The following GASK1A variants were observed in gnomAD, a reference collection of about 807,000 sequenced individuals.
The protein encoded by GASK1A is golgi associated kinase 1A.
Under a neutral mutation model 41.2 loss-of-function variants are expected in GASK1A, and 40 were observed. That is an observed-to-expected ratio of 0.97 (90% CI 0.75 to 1.27). The LOEUF (loss-of-function observed/expected upper bound fraction) is 1.27. Among genes scored for constraint, GASK1A ranks in the 50% most tolerant of loss-of-function variants. The probability of loss-of-function intolerance (pLI) is 0.00; values close to 1 mark genes in which losing one functional copy is unlikely to be tolerated. For synonymous variants in GASK1A, 316 were observed against 307.1 expected (o/e 1.03, Z -0.30); for missense variants, 678 against 745.1 (o/e 0.91, Z 1.05).
chr3:43,055,714 G>A, intron 4 of GASK1A, 179 bp downstream of exon 4: 1 of 589,096 alleles, frequency 1.7e-6, no homozygotes, highest in Non-Finnish European at 3.0e-6. Context: ...GGATACAGTT[G>A]GCAGGGCCTA....
chr3:43,012,242 T>C (rs1448974868), intron 1 of GASK1A, among the ~76,000 whole-genome samples: 5 of 148,004 alleles, frequency 3.4e-5, no homozygotes, highest in Admixed American at 3.3e-4. Context: ...GGAAGGGGCT[T>C]CTGAGGTCAC....
rs1367059429 is a variant in GASK1A, at chr3:43,056,327, GTGC to G, written c.1675_1677del (p.Leu559del). On this transcript the variant is annotated inframe_deletion, in exon 5 of 5. Transcript: ENST00000430121. Reference sequence around the variant, plus strand: ...CCAGACCCTGGAGCAGCGAGGACAGGTGCTGCTGGGACACATCCAAAAGCACAA... The same window carrying G: ...CCAGACCCTGGAGCAGCGAGGACAGGTGCTGGGACACATCCAAAAGCACAA... 6.4e-7 allele frequency: 1 copy of G among 1,551,344 alleles called. No individual in the cohort carries two copies. Among genetic ancestry groups the G allele is most frequent in the Non-Finnish European group, 8.7e-7 (1 of 1,146,994 alleles).
At chr3:43,018,987 CCT>C (rs2089507897) in intron 1 of GASK1A, among the ~76,000 whole-genome samples, 1 of 152,138 alleles carries the variant, frequency 6.6e-6, no homozygotes, top group Non-Finnish European at 1.5e-5. Context: ...GAGCCTTGGG[CCT>C]CTCTGATTCT....
intron 1 of GASK1A, among the ~76,000 whole-genome samples, chr3:43,023,481 T>C (rs1172920116): frequency 2.0e-5 from 3 of 152,174 alleles, no homozygotes; most frequent in African/African-American, 7.2e-5. Context: ...TATGCATATG[T>C]TATAATGCAA....
At position 43,033,304 on chromosome 3, in the gene GASK1A, G is replaced by A; in HGVS notation, c.1041G>A (p.Val347=). 1 of 1,551,316 alleles carries A rather than the reference G, an allele frequency of 6.4e-7. No homozygotes were observed. Among genetic ancestry groups the A allele is most frequent in the Non-Finnish European group, 8.7e-7 (1 of 1,146,882 alleles). Residue 347 remains valine, a synonymous_variant, in exon 2 of 5, where the codon GTG becomes GTA. Coordinates refer to ENST00000430121, the MANE Select transcript of GASK1A (RefSeq NM_001129908.3). ...VLGLRRSLPA[V]ARRFHSPLLP... is the part of the protein sequence containing the mutation. ...GGCTGCGCCGGAGCCTACCTGCTGTGGCCCGCCGCTTCCATAGCCCCCTCC... is the reference window on the plus strand; with the variant it reads ...GGCTGCGCCGGAGCCTACCTGCTGTAGCCCGCCGCTTCCATAGCCCCCTCC...
chr3:43,046,626 C>T (rs1288134726), intron 2 of GASK1A, among the ~76,000 whole-genome samples: 2 of 152,216 alleles, frequency 1.3e-5, no homozygotes, highest in Non-Finnish European at 2.9e-5. Context: ...AAGCTGGCTG[C>T]AGAAATTTGC....
chr3:43,015,936 AAAGCCACAGGAAGGGTCTGTGTG>A (rs568673073), intron 1 of GASK1A, among the ~76,000 whole-genome samples: 4,531 of 140,548 alleles, frequency 0.032, 93 homozygotes, highest in Middle Eastern at 0.085. Context: ...GGGGCAGTGT[AAAGCCACAGGAAGGGTCTGTGTG>A]AAGCCACAGG....
At chr3:43,021,888 A>G (rs1340987190) in intron 1 of GASK1A, among the ~76,000 whole-genome samples, 1 of 152,098 alleles carries the variant, frequency 6.6e-6, no homozygotes, top group East Asian at 1.9e-4. Flanking sequence ...TTCTCTGAGG[A>G]ATTAAGGAGG....
rs140588007 is a variant in GASK1A at position 42,989,988 on chromosome 3, T to C, written c.3+10343T>C. Among the ~76,000 whole-genome samples the C allele has an allele frequency of 4.4e-3, 665 of 152,180 alleles. 3 individuals carry two copies. The highest frequency in any genetic ancestry group is 0.02 in the Middle Eastern group (6 of 294). On this transcript the variant is annotated intron_variant, in intron 1 of 4. Coordinates refer to ENST00000430121, the MANE Select transcript of GASK1A (RefSeq NM_001129908.3). ...CTGTGTGGTGCTCCCAGCGTTAGAC[T>C]CACAGCATAGACAGGTGCACCTGCT...
chr3:43,045,655 A>C (rs1446438639), intron 2 of GASK1A, among the ~76,000 whole-genome samples: 1 of 152,158 alleles, frequency 6.6e-6, no homozygotes, highest in African/African-American at 2.4e-5. Flanking sequence ...ATATGAAAGC[A>C]TGGAGTAGGC....
At chr3:43,017,041 G>A (rs62247063) in intron 1 of GASK1A, among the ~76,000 whole-genome samples, 1,538 of 152,104 alleles carry the variant, frequency 0.01, 8 homozygotes, top group Non-Finnish European at 0.016. Flanking sequence ...GTCACAGGAA[G>A]TGTTGTGTGA....
At chr3:43,012,182 C>T (rs191847737) in intron 1 of GASK1A, among the ~76,000 whole-genome samples, 37 of 150,594 alleles carry the variant, frequency 2.5e-4, no homozygotes, top group Middle Eastern at 3.7e-3. Flanking sequence ...AGAGGGAAGT[C>T]ACAGGAAGAG....
rs557217420 is a variant in GASK1A, at chr3:42,984,173, T to G, written c.3+4528T>G. Among the ~76,000 whole-genome samples the G allele has an allele frequency of 3.3e-5, 5 of 152,084 alleles. No individual in the cohort carries two copies. The highest frequency in any genetic ancestry group is 1.2e-4 in the African/African-American group (5 of 41,496). ...GGGAGTTTAGGGCGTGATCCCTCAT[T>G]TTCTGGATGTGTCTGCACAGGCCTG... On this transcript the variant is annotated intron_variant, in intron 1 of 4. Coordinates refer to ENST00000430121, the MANE Select transcript of GASK1A (RefSeq NM_001129908.3). This position sits in a 1 kb window ranked among gnomAD's most constrained non-coding sequence, Gnocchi z 4.2.
rs1211195930 is a variant in GASK1A at position 43,032,297 on chromosome 3, A to G, written c.34A>G (p.Lys12Glu). 5 of 1,533,280 alleles carry G rather than the reference A, an allele frequency of 3.3e-6. No individual in the cohort carries two copies. The East Asian group carries it at 1.2e-4, about 38-fold the overall frequency. The allele number at this position is 1,533,280 out of a possible 1,614,324, so 95.0% of individuals were successfully genotyped here. Residue 12 changes from lysine to glutamate, a missense_variant, in exon 2 of 5, where the codon AAG becomes GAG. Physicochemically the swap from Lys to Glu is moderately conservative, Grantham distance 56. Coordinates refer to ENST00000430121, the MANE Select transcript of GASK1A (RefSeq NM_001129908.3). ...TTGGCTCCGGAGAAAGCTGCGTGGC[A>G]AGAGGCGGCCAGTGATAGCGTTCTG... is the stretch of plus-strand genomic sequence containing the variant. ...ASWLRRKLRG[K>E]RRPVIAFCLL...
At chr3:42,993,197 G>A (rs2089350843) in intron 1 of GASK1A, among the ~76,000 whole-genome samples, 1 of 152,172 alleles carries the variant, frequency 6.6e-6, no homozygotes, top group Non-Finnish European at 1.5e-5. Flanking sequence ...GTTAAAGAAA[G>A]TTACATCTTT....
chr3:43,025,470 C>G (rs1343396889), intron 1 of GASK1A, among the ~76,000 whole-genome samples: 1 of 152,018 alleles, frequency 6.6e-6, no homozygotes, highest in Non-Finnish European at 1.5e-5. Flanking sequence ...GCTAGGTGAC[C>G]CTGTGGTCCC....
Position 43,033,120 on chromosome 3 carries a change from A to C in GASK1A, c.857A>C (p.His286Pro). ...GTGGACAAAGCCAGGGTCCCCGCCC[A>C]TGGGCAGGTGCTACAGGTTGGCTTC... ...EVVDKARVPAHGQVLQVGFST... is the reference protein window; with the variant it reads ...EVVDKARVPAPGQVLQVGFST... The change falls in exon 2 of 5, where the codon CAT (histidine) becomes CCT (proline). Residue 286 changes from histidine (H) to proline (P), a missense_variant. Transcript: ENST00000430121. The C allele has an allele frequency of 6.4e-7, 1 of 1,551,122 alleles. No individual in the cohort carries two copies. The highest frequency in any genetic ancestry group is 8.7e-7 in the Non-Finnish European group (1 of 1,146,596).
At chr3:43,004,043 A>T (rs939794565) in intron 1 of GASK1A, among the ~76,000 whole-genome samples, 27 of 152,122 alleles carry the variant, frequency 1.8e-4, no homozygotes, top group Admixed American at 3.3e-4. Context: ...GGTAACATTT[A>T]CCTGCTCTCT....
intron 1 of GASK1A, among the ~76,000 whole-genome samples, chr3:42,982,197 G>C (rs2089285872): frequency 6.6e-6 from 1 of 152,158 alleles, no homozygotes; most frequent in Admixed American, 6.5e-5. Flanking sequence ...TTCTTTCTTT[G>C]CAGTGGTGGT....
Sources: allele counts gnomAD v4.1 joint callset (sites outside exome capture counted in the v4.1 genomes callset), GRCh38; gene constraint gnomAD v4.1.1; non-coding constraint Gnocchi (gnomAD v3.1); transcripts MANE v1.5; gene names NCBI Gene and HGNC (gene_info 2026-07-23, HGNC 2026-07-21).